Variants in PWWP2A observed in about 807,000 individuals in gnomAD.
PWWP2A encodes PWWP domain-containing protein 2A.
In PWWP2A, 18 loss-of-function variants were observed where a neutral mutation model predicts 48.5. The observed-to-expected ratio is 0.37, with a 90% CI of 0.26 to 0.55. The LOEUF is 0.55. PWWP2A is among the 20% of genes least tolerant of loss of function. PWWP2A has a pLI of 0.81. For synonymous variants in PWWP2A, 396 were observed against 387.7 expected (o/e 1.02, Z -0.25); for missense variants, 867 against 976.4 (o/e 0.89, Z 1.49).
Position 160,097,512 on chromosome 5 carries a change from C to A in PWWP2A, c.585-3447G>T, listed in dbSNP as rs566662456. The stretch of plus-strand genomic sequence containing the variant: ...GGGTGTGGTGACACGCGCCTGTAGT[C>A]CCAACTACTCGGGAGGCTGAGGCAG... On this transcript the variant is annotated intron_variant, in intron 1 of 1. Transcript: ENST00000307063. 4.0e-5 allele frequency among the ~76,000 whole-genome samples: 6 copies of A among 151,606 alleles called. No homozygotes were observed. The South Asian group carries it at 1.0e-3, about 26-fold the overall frequency.
At chr5:160,088,569 A>G (rs1754826974), downstream of PWWP2A, among the ~76,000 whole-genome samples, 1 of 152,150 alleles carries the variant, frequency 6.6e-6, no homozygotes, top group African/African-American at 2.4e-5. Flanking sequence ...ATTTTTTAAG[A>G]GATTGTTTTA....
At chr5:160,080,679 T>C (rs1472080041) in exon 3 of PWWP2A, 6 of 1,565,684 alleles carry the variant, frequency 3.8e-6, no homozygotes, top group Non-Finnish European at 4.3e-6. Flanking sequence ...ACTTCAATGC[T>C]CCCAGTCTGA....
At position 160,091,752 on chromosome 5, in the gene PWWP2A, A is replaced by G; in HGVS notation, c.*630T>C. The G allele has an allele frequency of 1.0e-6, 1 of 985,152 alleles. No individual in the cohort carries two copies. The highest frequency in any genetic ancestry group is 1.2e-6 in the Non-Finnish European group (1 of 829,810). The allele number at this position is 985,152 out of a possible 1,614,324, so 61.0% of individuals were successfully genotyped here. ...CAGTTTTAATCCCAAACACTGGGCT[A>G]TTTCCCCAGTCTGTAACTGAATTGC... is the stretch of plus-strand genomic sequence containing the variant. On this transcript the variant is annotated 3_prime_UTR_variant, in exon 2 of 2. Transcript: ENST00000307063.
At chr5:160,086,386 T>C (rs368719105), downstream of PWWP2A, among the ~76,000 whole-genome samples, 4 of 151,974 alleles carry the variant, frequency 2.6e-5, no homozygotes, top group South Asian at 8.3e-4. Context: ...TCAGGTGTGA[T>C]GGTATGTGTC....
intron 1 of PWWP2A, among the ~76,000 whole-genome samples, chr5:160,107,681 A>G (rs1216348132): frequency 6.6e-6 from 1 of 152,228 alleles, no homozygotes; most frequent in African/African-American, 2.4e-5. Context: ...TACACAGTAA[A>G]GTACAGTCTT....
chr5:160,093,443 C>T lies in PWWP2A; in HGVS notation c.1207G>A (p.Ala403Thr), dbSNP rs1268532876. 4 of 1,613,430 alleles carry T rather than the reference C, an allele frequency of 2.5e-6. No homozygotes were observed. The Admixed American group carries it at 6.7e-5, about 27-fold the overall frequency. The change falls in exon 2 of 2, where the codon GCT (alanine) becomes ACT (threonine). Residue 403 changes from alanine to threonine, a missense_variant. By Grantham distance (58) the Ala-to-Thr change is moderately conservative. Around this residue, in one of 4 missense-constraint regions of PWWP2A, gnomAD observed 382 missense variants for 407.2 expected, o/e 0.94. Transcript: ENST00000307063. This position sits in a 1 kb window ranked among gnomAD's most constrained non-coding sequence, Gnocchi z 5.8. Reference sequence around the variant, plus strand: ...TGAGCTTTTGATGTATTTGCCTGAGCAGAAACTTTTACTACTCTGCCTCTG... The same window carrying T: ...TGAGCTTTTGATGTATTTGCCTGAGTAGAAACTTTTACTACTCTGCCTCTG... ...HSRGRVVKVS[A>T]QANTSKAQLS...
At position 160,118,796 on chromosome 5, in the gene PWWP2A, G is replaced by T; in HGVS notation, c.584+9C>A. The stretch of plus-strand genomic sequence containing the variant: ...GCGGACCGGAGGGTGCTGGGGGCGG[G>T]CGCGGTACCTTTTGGACAGATCCAT... On this transcript the variant is annotated intron_variant, in intron 1 of 1. Coordinates refer to ENST00000307063, the MANE Select transcript of PWWP2A (RefSeq NM_001130864.2). The T allele has an allele frequency of 1.4e-6, 2 of 1,448,268 alleles. No individual in the cohort carries two copies. The highest frequency in any genetic ancestry group is 1.8e-6 in the Non-Finnish European group (2 of 1,096,524). 89.7% of individuals were successfully genotyped at this position (1,448,268 alleles called of 1,614,324 possible). A position where few individuals can be genotyped will look rare whatever the true frequency, so the allele number is the denominator to read the frequency against.
the PWWP2A span, chr5:160,051,011 A>T: frequency 4.0e-6 from 3 of 741,832 alleles, no homozygotes; most frequent in African/African-American, 5.3e-5. Flanking sequence ...TCATAGACAT[A>T]CTTAACTTGA....
At chr5:160,098,837 G>A (rs944511413) in intron 1 of PWWP2A, among the ~76,000 whole-genome samples, 2 of 152,090 alleles carry the variant, frequency 1.3e-5, no homozygotes, top group African/African-American at 2.4e-5. Context: ...GTGTGGTGGT[G>A]CACGCCTGTA....
rs1037515660 is a variant in PWWP2A at position 160,078,488 on chromosome 5, GA to G, written c.1670-321del. Among the ~76,000 whole-genome samples, 2 of 152,110 alleles carry G rather than the reference GA, an allele frequency of 1.3e-5. No individual in the cohort carries two copies. The highest frequency in any genetic ancestry group is 4.8e-5 in the African/African-American group (2 of 41,400). On this transcript the variant is annotated intron_variant, in intron 3 of 3. Coordinates refer to the PWWP2A transcript ENST00000456329. This position sits in a 1 kb window ranked among gnomAD's most constrained non-coding sequence, Gnocchi z 4.2. ...TGCTTATAAATGCCTAGTAACAGGG[GA>G]ATTTTAACTTTGTTCCTTATATCGC...
chr5:160,109,616 T>C (rs1363859016), intron 1 of PWWP2A, among the ~76,000 whole-genome samples: 1 of 151,224 alleles, frequency 6.6e-6, no homozygotes, highest in Non-Finnish European at 1.5e-5. Context: ...AGGTAAGACA[T>C]CCATAATCAT....
downstream of PWWP2A, among the ~76,000 whole-genome samples, chr5:160,060,761 T>C (rs1753358526): frequency 6.6e-6 from 1 of 152,262 alleles, no homozygotes; most frequent in Admixed American, 6.5e-5. Context: ...GTTGCTTCTC[T>C]GTCATCGGCA....
Position 160,093,112 on chromosome 5 carries a change from G to T in PWWP2A, c.1538C>A (p.Thr513Asn). 3.1e-6 allele frequency: 5 copies of T among 1,613,950 alleles called. No homozygotes were observed. Among genetic ancestry groups the T allele is most frequent in the Non-Finnish European group, 4.2e-6 (5 of 1,179,878 alleles). Residue 513 changes from threonine to asparagine, a missense_variant, in exon 2 of 2, where the codon ACC becomes AAC. Transcript: ENST00000307063. The surrounding 1 kb of genome is among the most constrained non-coding windows in gnomAD (Gnocchi z 5.8). ...APKPQSRCTS[T>N]RSAGEAPSEN... is the part of the protein sequence containing the mutation. ...TGAAGGGGCCTCACCTGCTGAGCGG[G>T]TAGAGGTGCAGCGAGACTGGGGCTT...
chr5:160,095,172 A>C (rs568443267), intron 1 of PWWP2A, among the ~76,000 whole-genome samples: 4 of 150,856 alleles, frequency 2.7e-5, no homozygotes, highest in African/African-American at 9.7e-5. Context: ...ATTTTGTGAT[A>C]CATAATTTCT....
chr5:160,065,809 A>G (rs534611306), intron 4 of PWWP2A, among the ~76,000 whole-genome samples: 9 of 152,362 alleles, frequency 5.9e-5, no homozygotes, highest in Middle Eastern at 3.4e-3. Context: ...CCAAATGTTA[A>G]TATTTTTAAC....
In PWWP2A at chr5:160,078,965, G is replaced by A. The variant is rs576812298; in HGVS notation, c.1670-797C>T. 2.6e-5 allele frequency among the ~76,000 whole-genome samples: 4 copies of A among 152,120 alleles called. No individual in the cohort carries two copies. Among genetic ancestry groups the A allele is most frequent in the Middle Eastern group, 3.4e-3 (1 of 294 alleles). On this transcript the variant is annotated intron_variant, in intron 3 of 3. Coordinates refer to the PWWP2A transcript ENST00000456329. This position sits in a 1 kb window ranked among gnomAD's most constrained non-coding sequence, Gnocchi z 4.2. Reference sequence around the variant, plus strand: ...AGAATGATCAACACTACTAACCTCCGTCTAATACTACGAAGTAGAAAGAAG... The same window carrying A: ...AGAATGATCAACACTACTAACCTCCATCTAATACTACGAAGTAGAAAGAAG...
At chr5:160,045,756 T>A in the PWWP2A span, among the ~76,000 whole-genome samples, 1 of 152,064 alleles carries the variant, frequency 6.6e-6, no homozygotes, top group East Asian at 1.9e-4. Flanking sequence ...TTTATTTTAT[T>A]TTTTGGGACA....
intron 2 of PWWP2A, among the ~76,000 whole-genome samples, chr5:160,067,054 T>C (rs1200601864): frequency 6.6e-6 from 1 of 152,124 alleles, no homozygotes; most frequent in Non-Finnish European, 1.5e-5. Flanking sequence ...AAAGTTTTAC[T>C]GAAATTTTTA....
the PWWP2A span, among the ~76,000 whole-genome samples, chr5:160,049,257 A>G: frequency 6.6e-6 from 1 of 152,166 alleles, no homozygotes. Context: ...TTTTGTTTAC[A>G]TATTATCTGT....
Sources: allele counts gnomAD v4.1 joint callset (sites outside exome capture counted in the v4.1 genomes callset), GRCh38; gene constraint gnomAD v4.1.1; regional missense constraint gnomAD v4.1.1; non-coding constraint Gnocchi (gnomAD v3.1); transcripts MANE v1.5; gene names NCBI Gene and HGNC (gene_info 2026-07-23, HGNC 2026-07-21).